Variants in IFNG-AS1 observed in about 807,000 individuals in gnomAD.
The protein encoded by IFNG-AS1 is IFNG regulatory antisense RNA 1.
At chr12:68,015,881 T>C (rs12298990) in intron 3 of IFNG-AS1, among the ~76,000 whole-genome samples, 57,905 of 151,852 alleles carry the variant, frequency 0.38, 11,453 homozygotes, top group Middle Eastern at 0.49. Flanking sequence ...TTACTAGCTG[T>C]AACCTGAGGC....
chr12:68,015,105 A>G (rs1191512728), intron 3 of IFNG-AS1, among the ~76,000 whole-genome samples: 1 of 152,094 alleles, frequency 6.6e-6, no homozygotes, highest in Admixed American at 6.5e-5. Context: ...GCACCTGGAG[A>G]AGAAGGAAGA....
intron 1 of IFNG-AS1, among the ~76,000 whole-genome samples, chr12:67,994,529 A>G (rs1352091414): frequency 6.6e-6 from 1 of 152,216 alleles, no homozygotes; most frequent in Non-Finnish European, 1.5e-5. Flanking sequence ...CTAACTTGGT[A>G]AAACCCCTAT....
chr12:68,018,171 A>AC (rs1254128257), intron 3 of IFNG-AS1, among the ~76,000 whole-genome samples: 1 of 152,092 alleles, frequency 6.6e-6, no homozygotes, highest in Non-Finnish European at 1.5e-5. Flanking sequence ...GGATTCTTCC[A>AC]CCATAGAATT....
intron 3 of IFNG-AS1, among the ~76,000 whole-genome samples, chr12:68,010,094 A>C (rs893621452): frequency 1.3e-5 from 2 of 152,244 alleles, no homozygotes; most frequent in Admixed American, 6.5e-5. Flanking sequence ...CTCCATGAAC[A>C]CTTCTGGAAT....
intron 3 of IFNG-AS1, among the ~76,000 whole-genome samples, chr12:68,006,580 G>A (rs549638157): frequency 3.5e-4 from 54 of 152,286 alleles, no homozygotes; most frequent in African/African-American, 1.2e-3. Context: ...CATTATAGGT[G>A]AAAGTGAAGG....
chr12:67,998,775 T>C (rs1336540138), intron 2 of IFNG-AS1, among the ~76,000 whole-genome samples: 7 of 152,100 alleles, frequency 4.6e-5, no homozygotes, highest in Non-Finnish European at 8.8e-5. Flanking sequence ...AACTTTGAAA[T>C]CCAATGTATT....
chr12:68,006,948 A>G (rs1407653660), intron 3 of IFNG-AS1, among the ~76,000 whole-genome samples: 1 of 152,258 alleles, frequency 6.6e-6, no homozygotes, highest in Non-Finnish European at 1.5e-5. Flanking sequence ...TAATAAAAGC[A>G]TGTTGTTTCA....
At position 67,997,632 on chromosome 12, in the gene IFNG-AS1, A is replaced by G. The variant is rs565919135; in HGVS notation, n.184+1559A>G. Among the ~76,000 whole-genome samples the G allele has an allele frequency of 3.4e-4, 52 of 151,980 alleles. No homozygotes were observed. The Middle Eastern group carries it at 0.01, about 30-fold the overall frequency. On this transcript the variant is annotated intron_variant and non_coding_transcript_variant, in intron 2 of 5. Transcript: ENST00000536914. ...TGACTCAAAATCCAGAGGCAATTAA[A>G]AAAAAAAGATTGACGAGTGGCCACA... is the stretch of plus-strand genomic sequence containing the variant.
At chr12:67,991,998 T>C (rs1412649854) in intron 1 of IFNG-AS1, among the ~76,000 whole-genome samples, 1 of 152,230 alleles carries the variant, frequency 6.6e-6, no homozygotes, top group Non-Finnish European at 1.5e-5. Context: ...AAAGAAAGGT[T>C]AAAGTTGACT....
chr12:68,011,041 G>T (rs1357404092), intron 3 of IFNG-AS1, among the ~76,000 whole-genome samples: 1 of 152,154 alleles, frequency 6.6e-6, no homozygotes, highest in Non-Finnish European at 1.5e-5. Flanking sequence ...GGCCAGAAAA[G>T]GTTTTGTAAA....
At chr12:68,004,454 G>A (rs931596607) in intron 2 of IFNG-AS1, among the ~76,000 whole-genome samples, 2 of 152,116 alleles carry the variant, frequency 1.3e-5, no homozygotes, top group Non-Finnish European at 2.9e-5. Context: ...AGAGGCTGGG[G>A]CTGATATAAT....
At chr12:68,017,866 T>C (rs1445405331) in intron 3 of IFNG-AS1, among the ~76,000 whole-genome samples, 4 of 152,166 alleles carry the variant, frequency 2.6e-5, no homozygotes, top group Admixed American at 2.6e-4. Flanking sequence ...TAATCATCTA[T>C]AAAATGGAAA....
chr12:68,004,077 A>G (rs1282493304), intron 2 of IFNG-AS1, among the ~76,000 whole-genome samples: 1 of 151,994 alleles, frequency 6.6e-6, no homozygotes, highest in Admixed American at 6.5e-5. Context: ...ATGCCCCCTC[A>G]CACCTGAGTG....
intron 1 of IFNG-AS1, among the ~76,000 whole-genome samples, chr12:67,993,888 T>C (rs953597601): frequency 6.6e-6 from 1 of 152,240 alleles, no homozygotes; most frequent in Non-Finnish European, 1.5e-5. Flanking sequence ...TCCACATATA[T>C]TTCTTAAACA....
chr12:67,998,582 C>A (rs1450639419), intron 2 of IFNG-AS1, among the ~76,000 whole-genome samples: 1 of 151,906 alleles, frequency 6.6e-6, no homozygotes, highest in East Asian at 1.9e-4. Context: ...GAGTATAACT[C>A]TTTCTACAGT....
At chr12:68,011,697 C>T (rs1425620102) in intron 3 of IFNG-AS1, among the ~76,000 whole-genome samples, 1 of 152,178 alleles carries the variant, frequency 6.6e-6, no homozygotes, top group African/African-American at 2.4e-5. Flanking sequence ...CCGCAGCATG[C>T]TGAGACCAAT....
At chr12:68,003,311 T>C (rs1592823293) in intron 2 of IFNG-AS1, among the ~76,000 whole-genome samples, 1 of 152,306 alleles carries the variant, frequency 6.6e-6, no homozygotes. Context: ...GCTGTTCTTA[T>C]TGTTGTGATA....
chr12:67,990,656 C>T (rs988217681), intron 1 of IFNG-AS1, among the ~76,000 whole-genome samples: 4 of 151,520 alleles, frequency 2.6e-5, no homozygotes, highest in East Asian at 1.9e-4. Context: ...TGCAGTGGCG[C>T]GATCTCAGCT....
chr12:67,996,850 T>C (rs1879653418), intron 2 of IFNG-AS1, among the ~76,000 whole-genome samples: 3 of 152,218 alleles, frequency 2.0e-5, no homozygotes. Context: ...TATTTCTATC[T>C]TTTATTTGTC....
Sources: gnomAD v4.1 joint callset for allele counts (sites outside exome capture counted in the v4.1 genomes callset) on GRCh38, gnomAD v4.1.1 for gene constraint, MANE v1.5 for transcripts, NCBI Gene and HGNC (gene_info 2026-07-23, HGNC 2026-07-21) for gene names.